Variants in NUP98 observed in about 807,000 individuals in gnomAD.
NUP98 encodes nuclear pore complex protein Nup98-Nup96.
Under a neutral mutation model 191.9 loss-of-function variants are expected in NUP98, and 26 were observed. That is an observed-to-expected ratio of 0.14 (90% CI 0.10 to 0.19). The LOEUF (loss-of-function observed/expected upper bound fraction) is 0.19, where lower values mean the gene tolerates loss of function less well. Among genes scored for constraint, NUP98 ranks in the 10% least tolerant of loss-of-function variants. The pLI is 1.00. For synonymous variants in NUP98, 808 were observed against 778.4 expected (o/e 1.04, Z -0.63); for missense variants, 1,941 against 2,178.8 (o/e 0.89, Z 2.17).
chr11:3,746,115 CA>C (rs1238836360), intron 11 of NUP98, among the ~76,000 whole-genome samples: 7 of 151,564 alleles, frequency 4.6e-5, no homozygotes, highest in African/African-American at 1.7e-4. Context: ...ACTAAAAATA[CA>C]AAAATTAGCT....
In NUP98 at chr11:3,723,376, T is replaced by C. The variant is rs370282092; in HGVS notation, c.1927A>G (p.Thr643Ala). The C allele has an allele frequency of 1.9e-6, 3 of 1,614,122 alleles. No homozygotes were observed. Among genetic ancestry groups the C allele is most frequent in the East Asian group, 2.2e-5 (1 of 44,878 alleles). The change falls in exon 16 of 33, where the codon ACT (threonine) becomes GCT (alanine). Residue 643 changes from threonine (T) to alanine (A), a missense_variant. By Grantham distance (58) the Thr-to-Ala change is moderately conservative. Around this residue, in one of 6 missense-constraint regions of NUP98, gnomAD observed 453 missense variants for 438.2 expected, o/e 1.03. Coordinates refer to ENST00000324932, the MANE Select transcript of NUP98 (RefSeq NM_016320.5). ...DEDSLVSHFY[T>A]NPIAKPIPQT... ...GGAATAGGTTTGGCAATAGGGTTAG[T>C]ATAAAAATGTGAAACAAGGGAATCT...
intron 1 of NUP98, among the ~76,000 whole-genome samples, chr11:3,796,864 C>A (rs2082640193): frequency 6.6e-6 from 1 of 152,194 alleles, no homozygotes; most frequent in African/African-American, 2.4e-5. Flanking sequence ...TTACACTGAA[C>A]ACGTGGGAAA....
intron 1 of NUP98, among the ~76,000 whole-genome samples, chr11:3,787,010 T>C (rs1474716676): frequency 6.6e-6 from 1 of 152,210 alleles, no homozygotes; most frequent in Non-Finnish European, 1.5e-5. Flanking sequence ...CTTCCTACTT[T>C]ACAAAGCATT....
intron 14 of NUP98, among the ~76,000 whole-genome samples, chr11:3,726,882 C>A (rs1353221255): frequency 6.6e-6 from 1 of 151,894 alleles, no homozygotes; most frequent in Admixed American, 6.6e-5. Context: ...CCACCTCAGC[C>A]TCCCAAATAG....
intron 15 of NUP98, among the ~76,000 whole-genome samples, chr11:3,724,789 A>AAAAAAAAAAAAAAAAAAAAAAAAAG (rs1259105482): frequency 2.7e-5 from 4 of 150,256 alleles, no homozygotes; most frequent in African/African-American, 9.9e-5. Flanking sequence ...TCAAAAAAAA[A>AAAAAAAAAAAAAAAAAAAAAAAAAG]AAAGAAAGAA....
chr11:3,684,786 AAAAAAAAAAAAAG>A, intron 29 of NUP98, among the ~76,000 whole-genome samples: 1 of 78,026 alleles, frequency 1.3e-5, no homozygotes, highest in African/African-American at 4.0e-5. Flanking sequence ...AAAAAAAAAA[AAAAAAAAAAAAAG>A]GCTTAGGCTT....
Position 3,779,031 on chromosome 11 carries a change from C to T in NUP98, c.197G>A (p.Ser66Asn). 2 of 1,614,202 alleles carry T rather than the reference C, an allele frequency of 1.2e-6. No homozygotes were observed. The highest frequency in any genetic ancestry group is 1.7e-6 in the Non-Finnish European group (2 of 1,180,036). Residue 66 changes from serine (S) to asparagine (N), a missense_variant, in exon 4 of 33, where the codon AGT becomes AAT. Coordinates refer to ENST00000324932, the MANE Select transcript of NUP98 (RefSeq NM_016320.5). ...QTKPGGLFGT[S>N]SFSQPATSTS... is the part of the protein sequence containing the mutation. Reference sequence around the variant, plus strand: ...GGAGGTAGCTGGCTGGCTAAATGAACTGGTTCCAAACAATCCTCCTGAGGA... The same window carrying T: ...GGAGGTAGCTGGCTGGCTAAATGAATTGGTTCCAAACAATCCTCCTGAGGA...
At position 3,700,753 on chromosome 11, in the gene NUP98, G is replaced by A; in HGVS notation, c.3599C>T (p.Thr1200Ile). 1.2e-6 allele frequency: 2 copies of A among 1,614,116 alleles called. No homozygotes were observed. Among genetic ancestry groups the A allele is most frequent in the Non-Finnish European group, 1.7e-6 (2 of 1,179,998 alleles). Residue 1200 changes from threonine to isoleucine, a missense_variant, in exon 24 of 33, where the codon ACA (threonine) becomes ATA (isoleucine). Physicochemically the swap from Thr to Ile is moderately conservative, Grantham distance 89. Transcript: ENST00000324932. ...KPDEDMKLYQ[T>I]PLELKLKHST... is the part of the protein sequence containing the mutation. ...GTGTTTTAATTTGAGCTCCAGAGGTGTCTGATATAATTTCATGTCTTCATC... is the reference window on the plus strand; with the variant it reads ...GTGTTTTAATTTGAGCTCCAGAGGTATCTGATATAATTTCATGTCTTCATC...
At chr11:3,771,049 G>C (rs143133746) in intron 7 of NUP98, among the ~76,000 whole-genome samples, 6 of 152,080 alleles carry the variant, frequency 3.9e-5, no homozygotes, top group Non-Finnish European at 4.4e-5. Context: ...TTTTAGTAGA[G>C]GCAGGGTTTT....
rs556071720 is a variant in NUP98, at chr11:3,783,085, C to A, written c.-28-940G>T. Among the ~76,000 whole-genome samples the A allele has an allele frequency of 8.1e-4, 124 of 152,198 alleles. 1 individual carries two copies. The highest frequency in any genetic ancestry group is 1.4e-3 in the Non-Finnish European group (98 of 68,004). ...TCTACTTCTAAGATTACAGAAAAAC[C>A]TTTGATGAAAATCCCTCACCTCTGG... is the stretch of plus-strand genomic sequence containing the variant. On this transcript the variant is annotated intron_variant, in intron 1 of 32. Coordinates refer to ENST00000324932, the MANE Select transcript of NUP98 (RefSeq NM_016320.5).
intron 23 of NUP98, 39 bp downstream of exon 23, chr11:3,702,424 T>A (rs377304069): frequency 1.9e-6 from 3 of 1,565,504 alleles, no homozygotes; most frequent in Non-Finnish European, 2.6e-6. Context: ...TCACCTATCA[T>A]GTTGCCTTTC....
chr11:3,780,435 G>C (rs1380053090), intron 2 of NUP98, among the ~76,000 whole-genome samples: 5 of 150,630 alleles, frequency 3.3e-5, no homozygotes, highest in Admixed American at 1.3e-4. Flanking sequence ...CCAGCTACCG[G>C]GGAGGCTGAG....
Position 3,687,199 on chromosome 11 carries a change from G to A in NUP98, c.4455-1005C>T, listed in dbSNP as rs530756778. Among the ~76,000 whole-genome samples, 8 of 152,214 alleles carry A rather than the reference G, an allele frequency of 5.3e-5. No individual in the cohort carries two copies. In the South Asian group the frequency reaches 1.0e-3, roughly 20 times the overall value. On this transcript the variant is annotated intron_variant, in intron 28 of 32. Transcript: ENST00000324932. ...TCGTCCCACTTCAGCGTCACAAACTGCTGGGATTATAGGCATGACGCACCA... is the reference window on the plus strand; with the variant it reads ...TCGTCCCACTTCAGCGTCACAAACTACTGGGATTATAGGCATGACGCACCA...
At chr11:3,773,604 C>A (rs1394668919) in intron 6 of NUP98, 28 bp downstream of exon 6, 1 of 1,341,908 alleles carries the variant, frequency 7.5e-7, no homozygotes, top group South Asian at 1.3e-5. Context: ...AAAGGTTAGA[C>A]TGACATTCTG....
Position 3,779,039 on chromosome 11 carries a change from A to G in NUP98, c.189T>C (p.Phe63=). ...CTGGCTGGCTAAATGAACTGGTTCC[A>G]AACAATCCTCCTGAGGAGATGGAGA... The part of the protein sequence containing the change: ...GNSQTKPGGL[F]GTSSFSQPAT... Residue 63 remains phenylalanine, a synonymous_variant, in exon 4 of 33, where the codon TTT becomes TTC. Transcript: ENST00000324932. The G allele has an allele frequency of 2.5e-6, 4 of 1,614,246 alleles. No homozygotes were observed. The highest frequency in any genetic ancestry group is 3.4e-6 in the Non-Finnish European group (4 of 1,180,054).
At chr11:3,747,705 G>C (rs1377343176) in intron 11 of NUP98, among the ~76,000 whole-genome samples, 1 of 152,140 alleles carries the variant, frequency 6.6e-6, no homozygotes, top group Admixed American at 6.6e-5. Context: ...CATTACAGGA[G>C]GCTTGAGTTT....
chr11:3,746,086 A>T (rs1487578163), intron 11 of NUP98, among the ~76,000 whole-genome samples: 1 of 152,004 alleles, frequency 6.6e-6, no homozygotes, highest in Non-Finnish European at 1.5e-5. Flanking sequence ...CCTGACCAAC[A>T]TGGAGAAACC....
intron 16 of NUP98, 163 bp from the exon 17 acceptor site, chr11:3,720,988 G>A: frequency 2.1e-6 from 1 of 480,170 alleles, no homozygotes; most frequent in East Asian, 3.4e-5. Context: ...GTGTGTGTGT[G>A]TGTGTGTGTG....
At chr11:3,792,720 G>A (rs1219575619) in intron 1 of NUP98, among the ~76,000 whole-genome samples, 1 of 152,162 alleles carries the variant, frequency 6.6e-6, no homozygotes, top group East Asian at 1.9e-4. Flanking sequence ...AATCACAGAA[G>A]TGTAAAGGTC....
Sources: allele counts gnomAD v4.1 joint callset (sites outside exome capture counted in the v4.1 genomes callset), GRCh38; gene constraint gnomAD v4.1.1; regional missense constraint gnomAD v4.1.1; transcripts MANE v1.5; gene names NCBI Gene and HGNC (gene_info 2026-07-23, HGNC 2026-07-21).